Variants in SMIM38 observed in about 807,000 individuals in gnomAD.
SMIM38 encodes small integral membrane protein 38.
In SMIM38 at chr11:69,159,604, G is replaced by T. The variant is rs932893049; in HGVS notation, c.*1508G>T. On this transcript the variant is annotated 3_prime_UTR_variant, in exon 3 of 3. Transcript: ENST00000686237. ...TTGCAGAGGGTCCCTTCTCATTCAC[G>T]CTCTGAAGTCTGCACAGGGGCAGGG... The T allele has an allele frequency of 6.6e-6, 1 of 151,986 alleles. No homozygotes were observed. The highest frequency in any genetic ancestry group is 1.5e-5 in the Non-Finnish European group (1 of 68,012). The allele number at this position is 151,986 out of a possible 1,614,324, so 9.4% of individuals were successfully genotyped here. A position where few individuals can be genotyped will look rare whatever the true frequency, so the allele number is the denominator to read the frequency against.
rs138251906 is a variant in SMIM38, at chr11:69,161,624, A to T, written c.*3528A>T. 466 of 152,350 alleles carry T rather than the reference A, an allele frequency of 3.1e-3. 4 individuals are homozygous for T. The highest frequency in any genetic ancestry group is 0.01 in the African/African-American group (419 of 41,582). 9.4% of individuals were successfully genotyped at this position (152,350 alleles called of 1,614,324 possible). A position where few individuals can be genotyped will look rare whatever the true frequency, so the allele number is the denominator to read the frequency against. On this transcript the variant is annotated 3_prime_UTR_variant, in exon 3 of 3. Coordinates refer to ENST00000686237, the MANE Select transcript of SMIM38 (RefSeq NM_001369201.2). ...GACAGACATGCTCCTTCTTAGAGAC[A>T]CATGGGAACATGCCTCTGCTCACAG...
Position 69,158,115 on chromosome 11 carries a change from TGGG to T in SMIM38, c.*115_*117del. 1 of 397,042 alleles carries T rather than the reference TGGG, an allele frequency of 2.5e-6. No individual in the cohort carries two copies. Among genetic ancestry groups the T allele is most frequent in the East Asian group, 3.6e-5 (1 of 28,022 alleles). 24.6% of individuals were successfully genotyped at this position (397,042 alleles called of 1,614,324 possible). ...GCGCATGATCCCCATGTCCCACCCC[TGGG>T]GCAGGAGCTCAGAGAGGCCTGAGAT... On this transcript the variant is annotated 3_prime_UTR_variant, in exon 2 of 3. Coordinates refer to ENST00000686237, the MANE Select transcript of SMIM38 (RefSeq NM_001369201.2).
Position 69,158,026 on chromosome 11 carries a change from C to T in SMIM38, c.*24C>T, listed in dbSNP as rs535079896. The T allele has an allele frequency of 5.0e-5, 20 of 398,860 alleles. No homozygotes were observed. Among genetic ancestry groups the T allele is most frequent in the South Asian group, 3.8e-4 (3 of 7,862 alleles). The allele number at this position is 398,860 out of a possible 1,614,324, so 24.7% of individuals were successfully genotyped here. A position where few individuals can be genotyped will look rare whatever the true frequency, so the allele number is the denominator to read the frequency against. ...AAGCCTCTGCAGGCTGCGGCCTCCA[C>T]GCGCCCTGTCCCGAGACTCAGCCGG... On this transcript the variant is annotated 3_prime_UTR_variant, in exon 2 of 3. Transcript: ENST00000686237.
In SMIM38 at chr11:69,160,331, C is replaced by G. The variant is rs1857041805; in HGVS notation, c.*2235C>G. The stretch of plus-strand genomic sequence containing the variant: ...CCTCCCGAGTAGCTGGGATTATAGG[C>G]GTGTGCCACCACGCCCTGCTGATTT... On this transcript the variant is annotated 3_prime_UTR_variant, in exon 3 of 3. Coordinates refer to ENST00000686237, the MANE Select transcript of SMIM38 (RefSeq NM_001369201.2). 1 of 152,156 alleles carries G rather than the reference C, an allele frequency of 6.6e-6. No homozygotes were observed. Among genetic ancestry groups the G allele is most frequent in the Non-Finnish European group, 1.5e-5 (1 of 68,054 alleles). 9.4% of individuals were successfully genotyped at this position (152,156 alleles called of 1,614,324 possible).
rs184359671 is a variant in SMIM38, at chr11:69,159,864, T to C, written c.*1768T>C. The stretch of plus-strand genomic sequence containing the variant: ...TCTGGTACCATTTCATTGATCTCTT[T>C]AAGGAAGAAAAATCACATGGTTGTC... On this transcript the variant is annotated 3_prime_UTR_variant, in exon 3 of 3. Transcript: ENST00000686237. 6.6e-6 allele frequency: 1 copy of C among 152,288 alleles called. No homozygotes were observed. Among genetic ancestry groups the C allele is most frequent in the Non-Finnish European group, 1.5e-5 (1 of 68,022 alleles). The allele number at this position is 152,288 out of a possible 1,614,324, so 9.4% of individuals were successfully genotyped here.
chr11:69,155,947 G>A lies in SMIM38; in HGVS notation c.-841G>A, dbSNP rs149640771. Reference sequence around the variant, plus strand: ...GTGGAAAACAAGCCCAGAGCTCAACGTTCCCTAAGTGAGTGGCCTTTGACA... The same window carrying A: ...GTGGAAAACAAGCCCAGAGCTCAACATTCCCTAAGTGAGTGGCCTTTGACA... On this transcript the variant is annotated 5_prime_UTR_variant, in exon 1 of 3. Coordinates refer to ENST00000686237, the MANE Select transcript of SMIM38 (RefSeq NM_001369201.2). The A allele has an allele frequency of 1.3e-5, 2 of 152,516 alleles. No homozygotes were observed. Among genetic ancestry groups the A allele is most frequent in the African/African-American group, 4.8e-5 (2 of 41,594 alleles). The allele number at this position is 152,516 out of a possible 1,614,324, so 9.4% of individuals were successfully genotyped here.
rs537958975 is a variant in SMIM38 at position 69,162,113 on chromosome 11, T to C, written c.*4017T>C. ...TCTGCAAGCAGTCAGCAAGCATTCATTGAGTGCTTGCAGTATTCAAGGCAC... is the reference window on the plus strand; with the variant it reads ...TCTGCAAGCAGTCAGCAAGCATTCACTGAGTGCTTGCAGTATTCAAGGCAC... On this transcript the variant is annotated 3_prime_UTR_variant, in exon 3 of 3. Coordinates refer to ENST00000686237, the MANE Select transcript of SMIM38 (RefSeq NM_001369201.2). 2 of 152,292 alleles carry C rather than the reference T, an allele frequency of 1.3e-5. No homozygotes were observed. The highest frequency in any genetic ancestry group is 2.4e-5 in the African/African-American group (1 of 41,556). The allele number at this position is 152,292 out of a possible 1,614,324, so 9.4% of individuals were successfully genotyped here.
intron 1 of SMIM38, 113 bp downstream of exon 1, chr11:69,156,227 G>A (rs1417580336): frequency 6.6e-6 from 1 of 152,374 alleles, no homozygotes; most frequent in Non-Finnish European, 1.5e-5. Context: ...GAACTGAAGA[G>A]CTGGCTTCCG....
chr11:69,157,593 CCA>C lies in SMIM38; in HGVS notation c.-253_-252del, dbSNP rs1857005515. 2.7e-6 allele frequency: 1 copy of C among 376,684 alleles called. No homozygotes were observed. The highest frequency in any genetic ancestry group is 4.7e-6 in the Non-Finnish European group (1 of 212,536). 23.3% of individuals were successfully genotyped at this position (376,684 alleles called of 1,614,324 possible). A position where few individuals can be genotyped will look rare whatever the true frequency, so the allele number is the denominator to read the frequency against. On this transcript the variant is annotated 5_prime_UTR_variant, in exon 2 of 3. The change abolishes the stop of an existing upstream ORF in the 5' untranslated region. Transcript: ENST00000686237. Reference sequence around the variant, plus strand: ...TGACCAAGGAGGCTGCTCGTCGTCCCCAGTCTGTCCTCTCACATGCCAGGGAG... The same window carrying C: ...TGACCAAGGAGGCTGCTCGTCGTCCCGTCTGTCCTCTCACATGCCAGGGAG...
Position 69,158,232 on chromosome 11 carries a change from C to T in SMIM38, c.*230C>T, listed in dbSNP as rs969771794. The T allele has an allele frequency of 5.3e-6, 2 of 373,904 alleles. No individual in the cohort carries two copies. The highest frequency in any genetic ancestry group is 1.5e-4 in the South Asian group (1 of 6,788). The allele number at this position is 373,904 out of a possible 1,614,324, so 23.2% of individuals were successfully genotyped here. Reference sequence around the variant, plus strand: ...GGAGGGGCCGGCCTTGCAGGTCCATCACCAGGTTCTGGGGTCCCCGGTTGC... The same window carrying T: ...GGAGGGGCCGGCCTTGCAGGTCCATTACCAGGTTCTGGGGTCCCCGGTTGC... On this transcript the variant is annotated 3_prime_UTR_variant, in exon 2 of 3. Coordinates refer to ENST00000686237, the MANE Select transcript of SMIM38 (RefSeq NM_001369201.2).
rs1266287200 is a variant in SMIM38, at chr11:69,159,043, G to A, written c.*1041G>A. 3 of 152,374 alleles carry A rather than the reference G, an allele frequency of 2.0e-5. No individual in the cohort carries two copies. The highest frequency in any genetic ancestry group is 6.5e-5 in the Admixed American group (1 of 15,300). 9.4% of individuals were successfully genotyped at this position (152,374 alleles called of 1,614,324 possible). A position where few individuals can be genotyped will look rare whatever the true frequency, so the allele number is the denominator to read the frequency against. On this transcript the variant is annotated 3_prime_UTR_variant, in exon 2 of 3. Transcript: ENST00000686237. ...GGCGGCAGCTCCAGGGAGGAGCATC[G>A]AACCAGATATCGTCTCTGGGAGGCT...
chr11:69,156,062 C>A lies in SMIM38; in HGVS notation c.-726C>A, dbSNP rs1856982188. 1 of 152,398 alleles carries A rather than the reference C, an allele frequency of 6.6e-6. No homozygotes were observed. Among genetic ancestry groups the A allele is most frequent in the African/African-American group, 2.4e-5 (1 of 41,484 alleles). The allele number at this position is 152,398 out of a possible 1,614,324, so 9.4% of individuals were successfully genotyped here. On this transcript the variant is annotated 5_prime_UTR_variant, in exon 1 of 3. Coordinates refer to ENST00000686237, the MANE Select transcript of SMIM38 (RefSeq NM_001369201.2). Reference sequence around the variant, plus strand: ...CCCAGACAGCCTCTGCCAGTCCAGGCAGGGGCTCCAGGGTGGCTGCGGGAA... The same window carrying A: ...CCCAGACAGCCTCTGCCAGTCCAGGAAGGGGCTCCAGGGTGGCTGCGGGAA...
intron 1 of SMIM38, among the ~76,000 whole-genome samples, chr11:69,156,806 C>G (rs570836612): frequency 6.6e-6 from 1 of 152,298 alleles, no homozygotes; most frequent in East Asian, 1.9e-4. Flanking sequence ...AAGGCAGGAT[C>G]TGCGGCTCTG....
In SMIM38 at chr11:69,158,142, A is replaced by T. The variant is rs1408592192; in HGVS notation, c.*140A>T. ...GGGCAGGAGCTCAGAGAGGCCTGAG[A>T]TGGATCGTGCCTTCCCAGACTGACC... On this transcript the variant is annotated 3_prime_UTR_variant, in exon 2 of 3. Transcript: ENST00000686237. The T allele has an allele frequency of 2.5e-6, 1 of 396,138 alleles. No individual in the cohort carries two copies. Among genetic ancestry groups the T allele is most frequent in the Admixed American group, 4.4e-5 (1 of 22,672 alleles). 24.5% of individuals were successfully genotyped at this position (396,138 alleles called of 1,614,324 possible).
At chr11:69,156,345 C>A (rs1856986493) in intron 1 of SMIM38, among the ~76,000 whole-genome samples, 1 of 152,216 alleles carries the variant, frequency 6.6e-6, no homozygotes, top group Admixed American at 6.5e-5. Flanking sequence ...ACTCCCAGGA[C>A]CCAGCCGCCA....
At chr11:69,156,837 G>A (rs186743185) in intron 1 of SMIM38, among the ~76,000 whole-genome samples, 17 of 152,310 alleles carry the variant, frequency 1.1e-4, no homozygotes, top group Admixed American at 8.5e-4. Context: ...CAACTTGCCC[G>A]AGGTCACTCA....
At position 69,159,701 on chromosome 11, in the gene SMIM38, C is replaced by A. The variant is rs1220261418; in HGVS notation, c.*1605C>A. ...GCCAGCAGAACTCTATGGTCACTCC[C>A]CCGTGTCACGGACAATTTGCCACCT... is the stretch of plus-strand genomic sequence containing the variant. On this transcript the variant is annotated 3_prime_UTR_variant, in exon 3 of 3. Coordinates refer to ENST00000686237, the MANE Select transcript of SMIM38 (RefSeq NM_001369201.2). The A allele has an allele frequency of 6.6e-6, 1 of 152,244 alleles. No individual in the cohort carries two copies. The highest frequency in any genetic ancestry group is 6.5e-5 in the Admixed American group (1 of 15,276). 9.4% of individuals were successfully genotyped at this position (152,244 alleles called of 1,614,324 possible). A position where few individuals can be genotyped will look rare whatever the true frequency, so the allele number is the denominator to read the frequency against.
At position 69,157,954 on chromosome 11, in the gene SMIM38, C is replaced by G. The variant is rs911196863; in HGVS notation, c.108C>G (p.Ile36Met). 1.8e-5 allele frequency: 7 copies of G among 398,920 alleles called. No individual in the cohort carries two copies. Among genetic ancestry groups the G allele is most frequent in the Non-Finnish European group, 3.1e-5 (7 of 226,422 alleles). The allele number at this position is 398,920 out of a possible 1,614,324, so 24.7% of individuals were successfully genotyped here. ...TGTGGTCCTGCCTCGGGACCTACAT[C>G]GACTACAGACTGGCCCAGCGGCGGC... ...LILWSCLGTY[I>M]DYRLAQRRPQ... Residue 36 changes from isoleucine to methionine, a missense_variant, in exon 2 of 3, where the codon ATC (isoleucine) becomes ATG (methionine). Transcript: ENST00000686237.
chr11:69,158,118 G>A lies in SMIM38; in HGVS notation c.*116G>A, dbSNP rs941926933. On this transcript the variant is annotated 3_prime_UTR_variant, in exon 2 of 3. Coordinates refer to ENST00000686237, the MANE Select transcript of SMIM38 (RefSeq NM_001369201.2). ...CATGATCCCCATGTCCCACCCCTGG[G>A]GCAGGAGCTCAGAGAGGCCTGAGAT... 2.5e-6 allele frequency: 1 copy of A among 397,258 alleles called. No individual in the cohort carries two copies. The highest frequency in any genetic ancestry group is 4.4e-6 in the Non-Finnish European group (1 of 225,690). 24.6% of individuals were successfully genotyped at this position (397,258 alleles called of 1,614,324 possible).
Sources: gnomAD v4.1 joint callset for allele counts (sites outside exome capture counted in the v4.1 genomes callset) on GRCh38, gnomAD v4.1.1 for gene constraint, MANE v1.5 for transcripts, NCBI Gene and HGNC (gene_info 2026-07-23, HGNC 2026-07-21) for gene names.